OPRD1: variants seen among roughly 807,000 people sequenced by gnomAD.
OPRD1 encodes opioid receptor delta 1, also known as delta-type opioid receptor.
In OPRD1, 19 loss-of-function variants were observed where a neutral mutation model predicts 17.5. The observed-to-expected ratio is 1.09, with a 90% CI of 0.76 to 1.60. The LOEUF (loss-of-function observed/expected upper bound fraction) is 1.60, where lower values mean the gene tolerates loss of function less well. Ranked by LOEUF, OPRD1 falls within the 40% of genes most tolerant of loss-of-function variation. The probability of loss-of-function intolerance (pLI) is 0.00; values close to 1 mark genes in which losing one functional copy is unlikely to be tolerated. For missense variants in OPRD1, 483 were observed against 547.2 expected, an observed-to-expected ratio of 0.88 and a Z score of 1.17; for synonymous variants, 256 against 240.9, an observed-to-expected ratio of 1.06 and a Z score of -0.58.
At position 28,863,603 on chromosome 1, in the gene OPRD1, A is replaced by G. The variant is rs1569662047; in HGVS notation, c.*320A>G. On this transcript the variant is annotated 3_prime_UTR_variant, in exon 3 of 3. Coordinates refer to ENST00000234961, the MANE Select transcript of OPRD1 (RefSeq NM_000911.4). ...CCTGTGGCTCTACAACTGAGTCCTT[A>G]AACAGGGCATCTCCAGGAAGGCGGG... The G allele has an allele frequency of 3.1e-5, 10 of 318,782 alleles. No individual in the cohort carries two copies. In the East Asian group the frequency reaches 5.1e-4, roughly 16 times the overall value. 19.7% of individuals were successfully genotyped at this position (318,782 alleles called of 1,614,324 possible). A position where few individuals can be genotyped will look rare whatever the true frequency, so the allele number is the denominator to read the frequency against.
chr1:28,857,304 C>T (rs1338968675), intron 1 of OPRD1, among the ~76,000 whole-genome samples: 1 of 152,104 alleles, frequency 6.6e-6, no homozygotes, highest in Non-Finnish European at 1.5e-5. Flanking sequence ...GGATGCAGAG[C>T]CTTAGAGAGT....
rs568660421 is a variant in OPRD1 at position 28,867,711 on chromosome 1, G to C, written c.*4428G>C. On this transcript the variant is annotated 3_prime_UTR_variant, in exon 3 of 3. Transcript: ENST00000234961. The stretch of plus-strand genomic sequence containing the variant: ...AATCAGATCTTGGTTTTCCCTCTCT[G>C]AGCCTCAGTTTCCTCATCTGTAGAG... 3 of 153,018 alleles carry C rather than the reference G, an allele frequency of 2.0e-5. No homozygotes were observed. Among genetic ancestry groups the C allele is most frequent in the East Asian group, 1.9e-4 (1 of 5,206 alleles). 9.5% of individuals were successfully genotyped at this position (153,018 alleles called of 1,614,324 possible).
In OPRD1 at chr1:28,858,115, CT is replaced by C. The variant is rs1233337916; in HGVS notation, c.228-824del. ...CGGCCTAGGATTTTTCTTTTTTTTT[CT>C]TTTTTTTTTTTTTTGAGACGGAGTC... On this transcript the variant is annotated intron_variant, in intron 1 of 2. Transcript: ENST00000234961. Among the ~76,000 whole-genome samples, 286 of 112,928 alleles carry C rather than the reference CT, an allele frequency of 2.5e-3. 1 individual carries two copies. Among genetic ancestry groups the C allele is most frequent in the Middle Eastern group, 6.6e-3 (1 of 152 alleles). The allele number at this position is 112,928 out of a possible 152,430, so 74.1% of individuals were successfully genotyped here.
intron 1 of OPRD1, among the ~76,000 whole-genome samples, chr1:28,824,887 A>G (rs2088751034): frequency 6.7e-6 from 1 of 150,304 alleles, no homozygotes; most frequent in Non-Finnish European, 1.5e-5. Flanking sequence ...GCTGGAGTGC[A>G]GTGGCGCGAT....
chr1:28,833,099 T>G (rs146616943), intron 1 of OPRD1, among the ~76,000 whole-genome samples: 3 of 152,294 alleles, frequency 2.0e-5, no homozygotes, highest in Admixed American at 2.0e-4. Context: ...CAGGAGACCT[T>G]GCATGCAAAA....
At chr1:28,840,637 C>T (rs560348470) in intron 1 of OPRD1, among the ~76,000 whole-genome samples, 22 of 152,030 alleles carry the variant, frequency 1.4e-4, no homozygotes, top group South Asian at 2.1e-4. Flanking sequence ...ATGTAAAATA[C>T]GGGGCCAGGC....
At chr1:28,837,832 T>A (rs1437456932) in intron 1 of OPRD1, among the ~76,000 whole-genome samples, 1 of 147,794 alleles carries the variant, frequency 6.8e-6, no homozygotes, top group Non-Finnish European at 1.5e-5. Flanking sequence ...TCTCTTCATG[T>A]AAGGACACCA....
intron 1 of OPRD1, among the ~76,000 whole-genome samples, chr1:28,832,207 A>G (rs944484838): frequency 5.3e-5 from 8 of 152,220 alleles, no homozygotes; most frequent in African/African-American, 1.9e-4. Context: ...GCTGTGGAAC[A>G]GAGCAGACTT....
At chr1:28,814,060 G>T (rs986485949) in intron 1 of OPRD1, among the ~76,000 whole-genome samples, 1 of 152,004 alleles carries the variant, frequency 6.6e-6, no homozygotes, top group Non-Finnish European at 1.5e-5. Flanking sequence ...AAAGAGTGGC[G>T]GGTACAAGAA....
At chr1:28,838,464 T>G (rs780714065) in intron 1 of OPRD1, among the ~76,000 whole-genome samples, 1 of 151,942 alleles carries the variant, frequency 6.6e-6, no homozygotes, top group Non-Finnish European at 1.5e-5. Flanking sequence ...ATCTGTAAAG[T>G]GAGAGAGGAG....
intron 1 of OPRD1, among the ~76,000 whole-genome samples, chr1:28,814,604 T>C (rs1169410135): frequency 6.6e-6 from 1 of 152,106 alleles, no homozygotes; most frequent in African/African-American, 2.4e-5. Flanking sequence ...TTTCCAACCT[T>C]TTCCCCGGGG....
In OPRD1 at chr1:28,867,744, C is replaced by G. The variant is rs754492099; in HGVS notation, c.*4461C>G. The G allele has an allele frequency of 5.9e-5, 9 of 152,366 alleles. No homozygotes were observed. Among genetic ancestry groups the G allele is most frequent in the Non-Finnish European group, 1.3e-4 (9 of 68,178 alleles). 9.4% of individuals were successfully genotyped at this position (152,366 alleles called of 1,614,324 possible). On this transcript the variant is annotated 3_prime_UTR_variant, in exon 3 of 3. Coordinates refer to ENST00000234961, the MANE Select transcript of OPRD1 (RefSeq NM_000911.4). ...GTTTCCTCATCTGTAGAGTAGACTT[C>G]CTTCACGGGTGGTTGTGAGGATTTA... is the stretch of plus-strand genomic sequence containing the variant.
rs575437976 is a variant in OPRD1 at position 28,866,751 on chromosome 1, G to A, written c.*3468G>A. On this transcript the variant is annotated 3_prime_UTR_variant, in exon 3 of 3. Transcript: ENST00000234961. ...CCAAATGGAAAAATCTAAAGGAAAC[G>A]AGCAATTTTCCATGAACTTTTGTTC... 1 of 152,178 alleles carries A rather than the reference G, an allele frequency of 6.6e-6. No individual in the cohort carries two copies. The highest frequency in any genetic ancestry group is 2.1e-4 in the South Asian group (1 of 4,836). 9.4% of individuals were successfully genotyped at this position (152,178 alleles called of 1,614,324 possible). A position where few individuals can be genotyped will look rare whatever the true frequency, so the allele number is the denominator to read the frequency against.
chr1:28,858,441 A>G (rs1374874478), intron 1 of OPRD1, among the ~76,000 whole-genome samples: 1 of 151,962 alleles, frequency 6.6e-6, no homozygotes, highest in Non-Finnish European at 1.5e-5. Flanking sequence ...ACCTTCTGCC[A>G]AAGTTATTCA....
intron 1 of OPRD1, among the ~76,000 whole-genome samples, chr1:28,851,340 A>G (rs935591213): frequency 3.3e-5 from 5 of 152,188 alleles, no homozygotes; most frequent in Non-Finnish European, 4.4e-5. Flanking sequence ...CTACCATTTC[A>G]TCTCCAGTCA....
intron 1 of OPRD1, among the ~76,000 whole-genome samples, chr1:28,819,562 T>C (rs1052151981): frequency 6.6e-6 from 1 of 152,138 alleles, no homozygotes; most frequent in African/African-American, 2.4e-5. Flanking sequence ...AGAGGCCATA[T>C]TGAGGTTGAA....
At chr1:28,815,874 G>A (rs969572134) in intron 1 of OPRD1, among the ~76,000 whole-genome samples, 1 of 152,188 alleles carries the variant, frequency 6.6e-6, no homozygotes, top group African/African-American at 2.4e-5. Context: ...AAGGAAAGCC[G>A]GGTGGTGTAG....
intron 1 of OPRD1, among the ~76,000 whole-genome samples, chr1:28,853,724 G>A (rs914210602): frequency 9.2e-5 from 14 of 151,792 alleles, no homozygotes; most frequent in Admixed American, 1.3e-4. Context: ...GTGTTACATT[G>A]GCAGAAATAA....
In OPRD1 at chr1:28,827,287, C is replaced by T. The variant is rs535380071; in HGVS notation, c.227+14677C>T. ...CTCCAGCCTGGGTGACAGAGCAAGACCCTGTCTCAAAAACAAAACAAAACC... is the reference window on the plus strand; with the variant it reads ...CTCCAGCCTGGGTGACAGAGCAAGATCCTGTCTCAAAAACAAAACAAAACC... On this transcript the variant is annotated intron_variant, in intron 1 of 2. Transcript: ENST00000234961. 2.0e-5 allele frequency among the ~76,000 whole-genome samples: 3 copies of T among 152,296 alleles called. No homozygotes were observed. In the East Asian group the frequency reaches 5.8e-4, roughly 29 times the overall value.
Sources: allele counts gnomAD v4.1 joint callset (sites outside exome capture counted in the v4.1 genomes callset), GRCh38; gene constraint gnomAD v4.1.1; transcripts MANE v1.5; gene names NCBI Gene and HGNC (gene_info 2026-07-23, HGNC 2026-07-21).